Variants in GPHN observed in about 807,000 individuals in gnomAD.
GPHN encodes gephyrin.
Under a neutral mutation model 95.5 loss-of-function variants are expected in GPHN, and 17 were observed. The observed-to-expected ratio is 0.18, with a 90% CI of 0.12 to 0.27. The LOEUF (loss-of-function observed/expected upper bound fraction) is 0.27, where lower values mean the gene tolerates loss of function less well. GPHN is among the 10% of genes least tolerant of loss of function. GPHN has a pLI of 1.00. For synonymous variants in GPHN, 320 were observed against 322.5 expected (o/e 0.99, Z 0.08); for missense variants, 660 against 978.1 (o/e 0.67, Z 4.34).
At chr14:67,369,228 T>C in the GPHN span, among the ~76,000 whole-genome samples, 1 of 152,210 alleles carries the variant, frequency 6.6e-6, no homozygotes, top group Non-Finnish European at 1.5e-5. Context: ...TGTCTATTAA[T>C]ATTAGATAAA....
At chr14:66,898,903 A>G (rs1326278536) in intron 5 of GPHN, among the ~76,000 whole-genome samples, 1 of 151,836 alleles carries the variant, frequency 6.6e-6, no homozygotes, top group Admixed American at 6.6e-5. Flanking sequence ...CTTTTATTGC[A>G]GTTTTCAGTA....
the GPHN span, among the ~76,000 whole-genome samples, chr14:67,594,714 T>C: frequency 1.3e-5 from 2 of 152,038 alleles, no homozygotes; most frequent in South Asian, 2.1e-4. Flanking sequence ...GAGGGAGTTA[T>C]GTCCTGATAA....
At chr14:67,520,327 T>C in the GPHN span, among the ~76,000 whole-genome samples, 3 of 152,252 alleles carry the variant, frequency 2.0e-5, no homozygotes, top group East Asian at 5.8e-4. Context: ...TCCTCTGTGC[T>C]TTGCTAATTC....
the GPHN span, chr14:67,650,988 G>A: frequency 2.1e-6 from 3 of 1,462,712 alleles, no homozygotes; most frequent in Non-Finnish European, 2.8e-6. Flanking sequence ...GGGGATAGAT[G>A]AATACTAAAT....
intron 1 of GPHN, among the ~76,000 whole-genome samples, chr14:66,564,234 G>T (rs556952070): frequency 6.6e-6 from 1 of 152,096 alleles, no homozygotes; most frequent in African/African-American, 2.4e-5. Flanking sequence ...TTTGGAGGAT[G>T]TACAAAGAAG....
chr14:66,620,687 TCATATCCTCA>T (rs1303408373), intron 1 of GPHN, among the ~76,000 whole-genome samples: 1 of 152,086 alleles, frequency 6.6e-6, no homozygotes, highest in Non-Finnish European at 1.5e-5. Context: ...CTCTCAAATC[TCATATCCTCA>T]CATTTCAAAA....
intron 3 of GPHN, among the ~76,000 whole-genome samples, chr14:66,801,577 C>A (rs1424507953): frequency 6.7e-6 from 1 of 149,338 alleles, no homozygotes; most frequent in African/African-American, 2.5e-5. Flanking sequence ...TGCCCCTCTC[C>A]CCACTCTCTC....
rs541841961 is a variant in GPHN, at chr14:66,545,946, C to T, written c.64+37355C>T. ...CCTCCTTCCTGGACGGGGTGGCTGC[C>T]GGGCGGTGACGCTCCTCACTTCTCA... On this transcript the variant is annotated intron_variant, in intron 1 of 22. Coordinates refer to ENST00000478722, the MANE Select transcript of GPHN (RefSeq NM_020806.5). Among the ~76,000 whole-genome samples the T allele has an allele frequency of 3.1e-3, 458 of 148,910 alleles. 3 individuals carry two copies. The highest frequency in any genetic ancestry group is 0.011 in the African/African-American group (434 of 40,652).
the GPHN span, among the ~76,000 whole-genome samples, chr14:67,550,251 C>T: frequency 2.0e-5 from 3 of 152,108 alleles, no homozygotes; most frequent in Admixed American, 1.3e-4. Flanking sequence ...TGCAGTGGCA[C>T]CATCTCAGCT....
At chr14:66,629,243 A>AATATGTATATAAATATATATTTATAT (rs2063689247) in intron 1 of GPHN, among the ~76,000 whole-genome samples, 5 of 146,894 alleles carry the variant, frequency 3.4e-5, no homozygotes, top group East Asian at 2.0e-4. Context: ...ATAAATATAA[A>AATATGTATATAAATATATATTTATAT]ACACACGTGT....
At chr14:66,923,848 G>A (rs922535805) in intron 7 of GPHN, among the ~76,000 whole-genome samples, 3 of 151,496 alleles carry the variant, frequency 2.0e-5, no homozygotes, top group South Asian at 4.2e-4. Context: ...CTTTTGAAGT[G>A]TCCATTCAGT....
At chr14:66,744,849 C>G (rs1197565646) in intron 2 of GPHN, among the ~76,000 whole-genome samples, 1 of 142,346 alleles carries the variant, frequency 7.0e-6, no homozygotes, top group African/African-American at 2.8e-5. Context: ...TTCAATATAG[C>G]AATGCAATTT....
intron 3 of GPHN, among the ~76,000 whole-genome samples, chr14:66,791,920 G>A (rs1010534891): frequency 6.6e-6 from 1 of 152,194 alleles, no homozygotes; most frequent in Non-Finnish European, 1.5e-5. Context: ...CGTGGCTGGG[G>A]AGGCCTTACA....
intron 4 of GPHN, among the ~76,000 whole-genome samples, chr14:66,866,138 A>G (rs2063212741): frequency 6.6e-6 from 1 of 152,148 alleles, no homozygotes; most frequent in Non-Finnish European, 1.5e-5. Flanking sequence ...TCCAAACCTG[A>G]AAAACAATCC....
the GPHN span, among the ~76,000 whole-genome samples, chr14:67,556,550 A>G: frequency 6.6e-6 from 1 of 152,102 alleles, no homozygotes; most frequent in Non-Finnish European, 1.5e-5. Context: ...AAGTGCTGGG[A>G]TTACAGGTAT....
At chr14:66,740,112 A>C (rs1270571700) in intron 2 of GPHN, among the ~76,000 whole-genome samples, 1 of 152,186 alleles carries the variant, frequency 6.6e-6, no homozygotes, top group Admixed American at 6.5e-5. Flanking sequence ...GAGGTTCAAA[A>C]CTACACTGTT....
In GPHN at chr14:66,792,099, G is replaced by A. The variant is rs144834583; in HGVS notation, c.201+15578G>A. ...CATGATTCAATTATCTCCACCTGGC[G>A]CTGCCCATGACACATGGGAATTATT... On this transcript the variant is annotated intron_variant, in intron 3 of 22. Coordinates refer to ENST00000478722, the MANE Select transcript of GPHN (RefSeq NM_020806.5). Among the ~76,000 whole-genome samples, 37 of 152,196 alleles carry A rather than the reference G, an allele frequency of 2.4e-4. 1 individual carries two copies. The highest frequency in any genetic ancestry group is 1.3e-4 in the Non-Finnish European group (9 of 68,012).
the GPHN span, among the ~76,000 whole-genome samples, chr14:67,565,297 G>A: frequency 2.6e-5 from 4 of 152,094 alleles, no homozygotes; most frequent in Non-Finnish European, 5.9e-5. Context: ...AGGCTGGAGT[G>A]CAGTGGCACA....
chr14:66,578,540 CAA>C (rs959322412), intron 1 of GPHN, among the ~76,000 whole-genome samples: 5 of 146,994 alleles, frequency 3.4e-5, no homozygotes, highest in African/African-American at 1.0e-4. Context: ...AGCGTTAAGA[CAA>C]AGAGAGGATC....
Sources: gnomAD v4.1 joint callset for allele counts (sites outside exome capture counted in the v4.1 genomes callset) on GRCh38, gnomAD v4.1.1 for gene constraint, MANE v1.5 for transcripts, NCBI Gene and HGNC (gene_info 2026-07-23, HGNC 2026-07-21) for gene names.